Variants in PTPN14 observed in about 807,000 individuals in gnomAD.
PTPN14 encodes tyrosine-protein phosphatase non-receptor type 14.
In PTPN14, 53 loss-of-function variants were observed where a neutral mutation model predicts 126.8. The ratio of observed to expected loss-of-function variants is 0.42; its 90% CI spans 0.34 to 0.53. The LOEUF is 0.53. Ranked by LOEUF, PTPN14 falls within the 20% of genes least tolerant of loss-of-function variation. The pLI, the probability that PTPN14 is intolerant of heterozygous loss-of-function variation, is 0.08. For missense variants in PTPN14, 1,257 were observed against 1,552.9 expected, an observed-to-expected ratio of 0.81 and a Z score of 3.20; for synonymous variants, 630 against 599.3, an observed-to-expected ratio of 1.05 and a Z score of -0.75.
chr1:214,474,658 T>C (rs913515319), intron 1 of PTPN14, among the ~76,000 whole-genome samples: 1 of 152,194 alleles, frequency 6.6e-6, no homozygotes, highest in Non-Finnish European at 1.5e-5. Context: ...AAAGCCTCCA[T>C]AACCCGGAAG....
intron 1 of PTPN14, among the ~76,000 whole-genome samples, chr1:214,482,472 T>G (rs529665899): frequency 6.6e-6 from 1 of 152,208 alleles, no homozygotes; most frequent in Non-Finnish European, 1.5e-5. Flanking sequence ...CACCAACATT[T>G]TAGGTTGCAC....
chr1:214,383,781 A>C lies in PTPN14; in HGVS notation c.2074T>G (p.Tyr692Asp). The change falls in exon 13 of 19, where the codon TAT becomes GAT. Residue 692 changes from tyrosine to aspartate, a missense_variant. Tyr to Asp is a radical substitution (Grantham distance 160, BLOSUM62 -3). This residue lies in a region of PTPN14 where 1,021 missense variants were observed against 1,183.3 expected (regional missense o/e 0.86). Coordinates refer to ENST00000366956, the MANE Select transcript of PTPN14 (RefSeq NM_005401.5). The surrounding 1 kb of genome is among the most constrained non-coding windows in gnomAD (Gnocchi z 4.4). The stretch of plus-strand genomic sequence containing the variant: ...TCAGAGAAGGTCTTCTTGTGGTGAT[A>C]CTGAGGGAGCTGGGGGACCTCGTGG... ...GSHEVPQLPQ[Y>D]HHKKTFSDAT... 5 of 1,613,052 alleles carry C rather than the reference A, an allele frequency of 3.1e-6. No homozygotes were observed. The highest frequency in any genetic ancestry group is 4.2e-6 in the Non-Finnish European group (5 of 1,179,994).
At chr1:214,532,957 C>T (rs570456308) in intron 1 of PTPN14, 10 of 783,962 alleles carry the variant, frequency 1.3e-5, no homozygotes, top group East Asian at 2.4e-5. Flanking sequence ...CAAGCTGGCT[C>T]GGAAGAACCG....
chr1:214,400,087 A>G (rs1658981062), intron 7 of PTPN14, among the ~76,000 whole-genome samples: 1 of 152,188 alleles, frequency 6.6e-6, no homozygotes, highest in South Asian at 2.1e-4. Flanking sequence ...CACTCACGGA[A>G]AAGTTCATGC....
intron 7 of PTPN14, among the ~76,000 whole-genome samples, chr1:214,399,801 A>G (rs996781854): frequency 1.3e-5 from 2 of 151,996 alleles, no homozygotes; most frequent in African/African-American, 4.8e-5. Context: ...CCGACTTACC[A>G]TTACTTTGTT....
intron 1 of PTPN14, among the ~76,000 whole-genome samples, chr1:214,510,094 ATTG>A (rs1654936512): frequency 6.6e-6 from 1 of 152,122 alleles, no homozygotes; most frequent in South Asian, 2.1e-4. Flanking sequence ...TAATTTCAAT[ATTG>A]TTGTGTCTCA....
chr1:214,500,482 C>G (rs962930603), intron 1 of PTPN14, among the ~76,000 whole-genome samples: 1 of 152,178 alleles, frequency 6.6e-6, no homozygotes, highest in African/African-American at 2.4e-5. Flanking sequence ...AAGAAAGCCA[C>G]CAACACCCTC....
Position 214,373,927 on chromosome 1 carries a change from G to A in PTPN14, c.2908-1088C>T, listed in dbSNP as rs1403646239. ...GAACTACAGTCATGACATGACTTTG[G>A]ATAATAAAATTATTACCCCTGCAGC... On this transcript the variant is annotated intron_variant, in intron 15 of 18. Transcript: ENST00000366956. Among the ~76,000 whole-genome samples, 6 of 152,138 alleles carry A rather than the reference G, an allele frequency of 3.9e-5. No individual in the cohort carries two copies. In the South Asian group the frequency reaches 1.0e-3, roughly 26 times the overall value.
At chr1:214,387,341 A>G (rs1410389756) in intron 11 of PTPN14, among the ~76,000 whole-genome samples, 3 of 152,200 alleles carry the variant, frequency 2.0e-5, no homozygotes, top group Non-Finnish European at 4.4e-5. Context: ...TTGAAATGCC[A>G]TTTCTATTAA....
At chr1:214,532,495 A>G in intron 1 of PTPN14, 1 of 894,968 alleles carries the variant, frequency 1.1e-6, no homozygotes, top group Non-Finnish European at 1.9e-6. Context: ...GAGATCGAGA[A>G]CTGGAGGCTG....
At chr1:214,502,218 G>T (rs111836763) in intron 1 of PTPN14, among the ~76,000 whole-genome samples, 6 of 152,054 alleles carry the variant, frequency 3.9e-5, no homozygotes, top group Admixed American at 3.3e-4. Flanking sequence ...TGCTTCTAAG[G>T]GGGGAAGAGG....
chr1:214,385,826 C>T (rs930055188), intron 12 of PTPN14, among the ~76,000 whole-genome samples: 5 of 152,070 alleles, frequency 3.3e-5, no homozygotes, highest in African/African-American at 9.7e-5. Flanking sequence ...ACAAATGTGC[C>T]GCAATTTATC....
At chr1:214,391,085 T>C (rs1558082119) in intron 10 of PTPN14, 40 bp from the exon 11 acceptor site, 13 of 1,467,080 alleles carry the variant, frequency 8.9e-6, no homozygotes, top group East Asian at 2.3e-5. Flanking sequence ...GTTATTATTA[T>C]TGATATAAAA....
rs572770644 is a variant in PTPN14 at position 214,358,579 on chromosome 1, A to G, written c.3436-529T>C. 5.9e-5 allele frequency among the ~76,000 whole-genome samples: 9 copies of G among 152,322 alleles called. No homozygotes were observed. In the South Asian group the frequency reaches 1.9e-3, roughly 32 times the overall value. The stretch of plus-strand genomic sequence containing the variant: ...TAGTTTCCTCATCTGTAAAATCAGG[A>G]TAATAATGCTTTCCTCTAACAGCAG... On this transcript the variant is annotated intron_variant, in intron 18 of 18. Transcript: ENST00000366956.
chr1:214,391,117 G>A (rs959576761), intron 10 of PTPN14, 72 bp from the exon 11 acceptor site: 17 of 1,183,850 alleles, frequency 1.4e-5, no homozygotes, highest in Non-Finnish European at 1.9e-5. Context: ...ACAAGGGAAG[G>A]AGAGGAAGAG....
intron 1 of PTPN14, among the ~76,000 whole-genome samples, chr1:214,469,314 C>T (rs114140536): frequency 2.3e-3 from 343 of 152,306 alleles, no homozygotes; most frequent in Middle Eastern, 0.01. Flanking sequence ...GCGTAGAGTT[C>T]CACCTCAAAC....
intron 1 of PTPN14, among the ~76,000 whole-genome samples, chr1:214,506,509 T>C (rs1329651638): frequency 3.5e-5 from 5 of 141,278 alleles, no homozygotes; most frequent in Admixed American, 6.8e-5. Context: ...AGAGATCCTG[T>C]GTCTAAAAGA....
intron 1 of PTPN14, among the ~76,000 whole-genome samples, chr1:214,492,007 C>T (rs1392737723): frequency 1.3e-5 from 2 of 152,088 alleles, no homozygotes; most frequent in African/African-American, 4.8e-5. Context: ...CCTGACTTGT[C>T]GCTTCCATTT....
intron 1 of PTPN14, chr1:214,533,251 C>G (rs750744010): frequency 9.4e-6 from 6 of 637,730 alleles, no homozygotes; most frequent in Non-Finnish European, 1.7e-5. Flanking sequence ...GGCGCAACAC[C>G]AAGCCCAGGA....
Sources: allele counts gnomAD v4.1 joint callset (sites outside exome capture counted in the v4.1 genomes callset), GRCh38; gene constraint gnomAD v4.1.1; regional missense constraint gnomAD v4.1.1; non-coding constraint Gnocchi (gnomAD v3.1); transcripts MANE v1.5; gene names NCBI Gene and HGNC (gene_info 2026-07-23, HGNC 2026-07-21).